Variants in ERBIN observed in about 807,000 individuals in gnomAD.
ERBIN encodes the protein densin-180-like protein.
A neutral mutation model predicts 158.4 loss-of-function variants in ERBIN; 60 were observed. The ratio of observed to expected loss-of-function variants is 0.38; its 90% CI spans 0.31 to 0.47. The LOEUF (loss-of-function observed/expected upper bound fraction) is 0.47, where lower values mean the gene tolerates loss of function less well. Ranked by LOEUF, ERBIN falls within the 20% of genes least tolerant of loss-of-function variation. The pLI is 0.99. For missense variants in ERBIN, 1,610 were observed against 1,648.0 expected, an observed-to-expected ratio of 0.98 and a Z score of 0.40; for synonymous variants, 594 against 557.2, an observed-to-expected ratio of 1.07 and a Z score of -0.93.
At chr5:65,988,111 T>C (rs1161904478) in intron 1 of ERBIN, among the ~76,000 whole-genome samples, 1 of 152,124 alleles carries the variant, frequency 6.6e-6, no homozygotes, top group African/African-American at 2.4e-5. Flanking sequence ...TGTCTCACGT[T>C]TGTAATCCCA....
At chr5:65,986,500 C>G (rs917955252) in intron 1 of ERBIN, among the ~76,000 whole-genome samples, 1 of 152,122 alleles carries the variant, frequency 6.6e-6, no homozygotes, top group Admixed American at 6.5e-5. Flanking sequence ...ACGTTAAACA[C>G]GTTAGTCCTA....
At chr5:65,970,130 C>T (rs2150983831) in intron 1 of ERBIN, among the ~76,000 whole-genome samples, 1 of 151,932 alleles carries the variant, frequency 6.6e-6, no homozygotes, top group East Asian at 1.9e-4. Context: ...GAAGACTACA[C>T]TGTTAAATTA....
intron 1 of ERBIN, among the ~76,000 whole-genome samples, chr5:65,971,606 A>G (rs1749251336): frequency 6.6e-6 from 1 of 152,236 alleles, no homozygotes; most frequent in Admixed American, 6.5e-5. Flanking sequence ...ATTAGAACAA[A>G]TAACTGGAAG....
chr5:66,053,758 C>G lies in ERBIN; in HGVS notation c.2440C>G (p.Pro814Ala), dbSNP rs752447439. The G allele has an allele frequency of 1.2e-6, 2 of 1,613,596 alleles. No homozygotes were observed. Among genetic ancestry groups the G allele is most frequent in the African/African-American group, 1.3e-5 (1 of 74,892 alleles). Residue 814 changes from proline to alanine, a missense_variant, in exon 21 of 26, where the codon CCT (proline) becomes GCT (alanine). By Grantham distance (27) the Pro-to-Ala change is conservative. This residue lies in a region of ERBIN where 1,014 missense variants were observed against 936.1 expected (regional missense o/e 1.08). Transcript: ENST00000284037. Reference protein sequence around the residue: ...TEHLENGNKYPNLESVNKVNG... With the variant: ...TEHLENGNKYANLESVNKVNG... The stretch of plus-strand genomic sequence containing the variant: ...GCACTTGGAAAATGGAAACAAGTAT[C>G]CTAATTTGGAATCCGTAAATAAGGT...
intron 21 of ERBIN, among the ~76,000 whole-genome samples, chr5:66,070,978 A>C (rs13359538): frequency 0.017 from 2,663 of 152,266 alleles, 81 homozygotes; most frequent in African/African-American, 0.061. Context: ...TTTGTTTTCT[A>C]AAATATATAT....
At chr5:66,034,606 CTTTT>C (rs79537769) in intron 14 of ERBIN, among the ~76,000 whole-genome samples, 1 of 142,128 alleles carries the variant, frequency 7.0e-6, no homozygotes, top group Non-Finnish European at 1.6e-5. Flanking sequence ...TTCTTGAATC[CTTTT>C]TTTTTTTTTT....
intron 14 of ERBIN, among the ~76,000 whole-genome samples, chr5:66,034,604 T>C (rs2151180210): frequency 6.7e-6 from 1 of 148,642 alleles, no homozygotes; most frequent in African/African-American, 2.6e-5. Flanking sequence ...TGTTCTTGAA[T>C]CCTTTTTTTT....
intron 2 of ERBIN, among the ~76,000 whole-genome samples, chr5:65,990,844 T>A (rs1200344602): frequency 6.6e-6 from 1 of 151,552 alleles, no homozygotes; most frequent in Admixed American, 6.6e-5. Context: ...CACTGCAGCC[T>A]CTGCCTCCCG....
intron 21 of ERBIN, among the ~76,000 whole-genome samples, chr5:66,068,168 A>AAAT (rs553482294): frequency 1.4e-3 from 204 of 151,090 alleles, no homozygotes; most frequent in East Asian, 4.3e-3. Flanking sequence ...GTCTCTACAA[A>AAAT]AATAATAATA....
At chr5:66,025,229 C>A in intron 10 of ERBIN, 1 of 431,978 alleles carries the variant, frequency 2.3e-6, no homozygotes, top group South Asian at 2.9e-5. Flanking sequence ...CAAAAAAGTT[C>A]CTACTATCAG....
At chr5:65,981,046 A>G (rs1027941634) in intron 1 of ERBIN, among the ~76,000 whole-genome samples, 9 of 152,220 alleles carry the variant, frequency 5.9e-5, no homozygotes, top group African/African-American at 1.9e-4. Context: ...TGGGGCGTCA[A>G]AAGTCTCAAC....
intron 15 of ERBIN, 58 bp from the exon 16 acceptor site, chr5:66,043,019 A>C: frequency 7.7e-7 from 1 of 1,294,716 alleles, no homozygotes; most frequent in Non-Finnish European, 1.1e-6. Flanking sequence ...TGAGCAAGTG[A>C]TAGTTTTCCA....
Position 66,081,906 on chromosome 5 carries a change from AAAAAAG to A in ERBIN, c.*3383_*3388del, listed in dbSNP as rs1762401789. The A allele has an allele frequency of 1.3e-5, 2 of 152,056 alleles. No individual in the cohort carries two copies. The highest frequency in any genetic ancestry group is 4.1e-4 in the South Asian group (2 of 4,820). 9.4% of individuals were successfully genotyped at this position (152,056 alleles called of 1,614,324 possible). A position where few individuals can be genotyped will look rare whatever the true frequency, so the allele number is the denominator to read the frequency against. On this transcript the variant is annotated 3_prime_UTR_variant, in exon 26 of 26. Coordinates refer to ENST00000284037, the MANE Select transcript of ERBIN (RefSeq NM_001253697.2). The stretch of plus-strand genomic sequence containing the variant: ...GTGAACAAGATGCCTCTTTAAAAAA[AAAAAAG>A]AAAAAGTAATCTAGACAGGCAGCCA...
Position 66,081,649 on chromosome 5 carries a change from G to A in ERBIN, c.*3119G>A, listed in dbSNP as rs1762390274. ...TTAAAACCCTGTATATCTAGGTGTG[G>A]AAGAAGTGTAGTTTATCTCAAATTA... On this transcript the variant is annotated 3_prime_UTR_variant, in exon 26 of 26. Coordinates refer to ENST00000284037, the MANE Select transcript of ERBIN (RefSeq NM_001253697.2). The A allele has an allele frequency of 1.3e-5, 2 of 151,982 alleles. No homozygotes were observed. Among genetic ancestry groups the A allele is most frequent in the Non-Finnish European group, 2.9e-5 (2 of 67,948 alleles). The allele number at this position is 151,982 out of a possible 1,614,324, so 9.4% of individuals were successfully genotyped here.
rs770597449 is a variant in ERBIN at position 66,054,403 on chromosome 5, A to C, written c.3085A>C (p.Asn1029His). Residue 1029 changes from asparagine (N) to histidine (H), a missense_variant, in exon 21 of 26, where the codon AAT becomes CAT. Asn to His is a moderately conservative substitution (Grantham distance 68). Transcript: ENST00000284037. ...QSYAKHSANM[N>H]FSNHNNVRAN... ...TTATGCTAAACATTCTGCCAATATG[A>C]ATTTCTCTAATCATAACAATGTTCG... The C allele has an allele frequency of 8.1e-6, 13 of 1,614,000 alleles. No individual in the cohort carries two copies. In the African/African-American group the frequency reaches 1.5e-4, roughly 18 times the overall value.
chr5:65,992,904 A>G lies in ERBIN; in HGVS notation c.186A>G (p.Pro62=). The part of the protein sequence containing the change: ...YLDANQIEEL[P]KQLFNCQSLH... ...ATGCTAATCAGATTGAAGAGCTTCC[A>G]AAGGTATGCTAATACTTTCTTTCAA... The change falls in exon 3 of 26, where the codon CCA becomes CCG. Residue 62 remains proline, a synonymous_variant. Coordinates refer to ENST00000284037, the MANE Select transcript of ERBIN (RefSeq NM_001253697.2). 3.8e-6 allele frequency: 6 copies of G among 1,585,012 alleles called. No homozygotes were observed. Among genetic ancestry groups the G allele is most frequent in the Non-Finnish European group, 5.1e-6 (6 of 1,168,698 alleles).
intron 14 of ERBIN, among the ~76,000 whole-genome samples, chr5:66,037,090 A>G (rs1315216181): frequency 6.6e-6 from 1 of 152,168 alleles, no homozygotes; most frequent in African/African-American, 2.4e-5. Context: ...AAAGCCTCCC[A>G]TATAATTTTT....
intron 1 of ERBIN, among the ~76,000 whole-genome samples, chr5:65,946,827 T>A (rs949950882): frequency 6.6e-6 from 1 of 151,776 alleles, no homozygotes; most frequent in Non-Finnish European, 1.5e-5. Flanking sequence ...ACTATTCTTA[T>A]AGATAAGGAG....
intron 14 of ERBIN, among the ~76,000 whole-genome samples, chr5:66,035,602 T>G (rs528969629): frequency 2.0e-5 from 3 of 152,230 alleles, no homozygotes; most frequent in Non-Finnish European, 4.4e-5. Context: ...GTCAGGTGAC[T>G]GGTCCAAATT....
Sources: allele counts gnomAD v4.1 joint callset (sites outside exome capture counted in the v4.1 genomes callset), GRCh38; gene constraint gnomAD v4.1.1; regional missense constraint gnomAD v4.1.1; transcripts MANE v1.5; gene names NCBI Gene and HGNC (gene_info 2026-07-23, HGNC 2026-07-21).